DYNC2H1: variants seen among roughly 807,000 people sequenced by gnomAD.
DYNC2H1 encodes the protein dynein cytoplasmic 2 heavy chain 1.
A neutral mutation model predicts 570.0 loss-of-function variants in DYNC2H1; 410 were observed. The ratio of observed to expected loss-of-function variants is 0.72; its 90% CI spans 0.66 to 0.78. DYNC2H1 has a LOEUF of 0.78. DYNC2H1 is among the 30% of genes least tolerant of loss of function. DYNC2H1 has a pLI of 0.00. For missense variants in DYNC2H1, 4,865 were observed against 5,046.4 expected, an observed-to-expected ratio of 0.96 and a Z score of 1.09; for synonymous variants, 1,688 against 1,677.6, an observed-to-expected ratio of 1.01 and a Z score of -0.15.
At chr11:103,451,323 G>GTTTTTTTTTT (rs1237889193) in intron 85 of DYNC2H1, among the ~76,000 whole-genome samples, 2 of 111,626 alleles carry the variant, frequency 1.8e-5, no homozygotes, top group African/African-American at 3.9e-5. Context: ...GAGTAAAAGG[G>GTTTTTTTTTT]CTTTTTTTTT....
chr11:103,274,684 C>A (rs561773118), intron 70 of DYNC2H1, among the ~76,000 whole-genome samples: 1 of 152,092 alleles, frequency 6.6e-6, no homozygotes, highest in African/African-American at 2.4e-5. Context: ...TATTTTAATT[C>A]TCATGGTAGT....
chr11:103,255,724 T>A (rs909963788), intron 67 of DYNC2H1, among the ~76,000 whole-genome samples, 190 bp downstream of exon 67: 11 of 152,094 alleles, frequency 7.2e-5, no homozygotes, highest in African/African-American at 2.7e-4. Flanking sequence ...TAATGAGCAA[T>A]GTTTAAGACA....
intron 70 of DYNC2H1, among the ~76,000 whole-genome samples, chr11:103,266,640 C>T (rs1001799525): frequency 5.9e-5 from 9 of 152,246 alleles, no homozygotes; most frequent in East Asian, 1.9e-4. Flanking sequence ...ATACATGCAC[C>T]GCAAAGATGT....
At chr11:103,391,494 A>G (rs942780181) in intron 83 of DYNC2H1, among the ~76,000 whole-genome samples, 3 of 152,076 alleles carry the variant, frequency 2.0e-5, no homozygotes, top group South Asian at 2.1e-4. Context: ...ACTTCTCTCA[A>G]CTCGTCAAAG....
chr11:103,141,534 G>A (rs141887775), intron 17 of DYNC2H1, among the ~76,000 whole-genome samples: 9,749 of 152,250 alleles, frequency 0.064, 404 homozygotes, highest in Non-Finnish European at 0.098. Context: ...CGTGAACCAC[G>A]AATGCTGCTG....
intron 82 of DYNC2H1, among the ~76,000 whole-genome samples, chr11:103,356,253 AAC>A (rs1261262014): frequency 6.6e-6 from 1 of 152,216 alleles, no homozygotes; most frequent in African/African-American, 2.4e-5. Context: ...ATTTTATAAA[AAC>A]AGACAGTTCA....
intron 83 of DYNC2H1, among the ~76,000 whole-genome samples, chr11:103,376,305 C>A (rs1941390025): frequency 6.6e-6 from 1 of 152,166 alleles, no homozygotes; most frequent in Non-Finnish European, 1.5e-5. Flanking sequence ...AGAATTTAAC[C>A]CATTAATATT....
intron 83 of DYNC2H1, among the ~76,000 whole-genome samples, chr11:103,386,464 AC>A (rs1941877431): frequency 6.6e-6 from 1 of 152,024 alleles, no homozygotes; most frequent in Non-Finnish European, 1.5e-5. Flanking sequence ...ACACACACAC[AC>A]ACAAAAGTAT....
chr11:103,444,821 C>T (rs1042025279), intron 85 of DYNC2H1, among the ~76,000 whole-genome samples: 4 of 152,158 alleles, frequency 2.6e-5, no homozygotes, highest in African/African-American at 9.7e-5. Flanking sequence ...ATGTGCTTTG[C>T]TTGTTCAAGG....
In DYNC2H1 at chr11:103,113,620, T is replaced by C; in HGVS notation, c.279T>C (p.Asp93=). The part of the protein sequence containing the change: ...PEVITDENLH[D]NILVSSMLES... Reference sequence around the variant, plus strand: ...TAATTACTGATGAGAATCTACATGATAACATTCTTGTTTCATCTATGTTAG... The same window carrying C: ...TAATTACTGATGAGAATCTACATGACAACATTCTTGTTTCATCTATGTTAG... Residue 93 remains aspartate, a synonymous_variant, in exon 2 of 89, where the codon GAT becomes GAC. Coordinates refer to ENST00000375735, the MANE Select transcript of DYNC2H1 (RefSeq NM_001377.3). 6.3e-7 allele frequency: 1 copy of C among 1,575,776 alleles called. No homozygotes were observed. The highest frequency in any genetic ancestry group is 8.6e-7 in the Non-Finnish European group (1 of 1,166,418).
Position 103,280,261 on chromosome 11 carries a change from G to T in DYNC2H1, c.10696-87G>T, listed in dbSNP as rs1235550730. On this transcript the variant is annotated intron_variant, in intron 70 of 88. Coordinates refer to ENST00000375735, the MANE Select transcript of DYNC2H1 (RefSeq NM_001377.3). This position sits in a 1 kb window ranked among gnomAD's most constrained non-coding sequence, Gnocchi z 4.7. Reference sequence around the variant, plus strand: ...GTAGGTCATATGAAGACAGAATAGAGATTTTTGTGTGCCAAATTTTAACGA... The same window carrying T: ...GTAGGTCATATGAAGACAGAATAGATATTTTTGTGTGCCAAATTTTAACGA... 1 of 1,332,194 alleles carries T rather than the reference G, an allele frequency of 7.5e-7. No individual in the cohort carries two copies. Among genetic ancestry groups the T allele is most frequent in the Non-Finnish European group, 1.0e-6 (1 of 953,742 alleles). The allele number at this position is 1,332,194 out of a possible 1,614,324, so 82.5% of individuals were successfully genotyped here.
chr11:103,478,994 T>G, intron 88 of DYNC2H1, 101 bp from the exon 89 acceptor site: 1 of 1,301,556 alleles, frequency 7.7e-7, no homozygotes, highest in Non-Finnish European at 1.0e-6. Context: ...ATTTGAAACA[T>G]TTCATAATAT....
In DYNC2H1 at chr11:103,113,568, T is replaced by C; in HGVS notation, c.227T>C (p.Leu76Pro). ...IEFGDTKDKV[L>P]VFFKLRPEVI... ...TTTGGTGACACAAAAGATAAAGTGCTGGTGTTTTTCAAGCTGCGACCTGAA... is the reference window on the plus strand; with the variant it reads ...TTTGGTGACACAAAAGATAAAGTGCCGGTGTTTTTCAAGCTGCGACCTGAA... The change falls in exon 2 of 89, where the codon CTG becomes CCG. Residue 76 changes from leucine to proline, a missense_variant. Leu to Pro is a moderately conservative substitution (Grantham distance 98). Transcript: ENST00000375735. 1.3e-6 allele frequency: 2 copies of C among 1,577,968 alleles called. No homozygotes were observed. The highest frequency in any genetic ancestry group is 1.7e-6 in the Non-Finnish European group (2 of 1,167,176).
At position 103,343,823 on chromosome 11, in the gene DYNC2H1, A is replaced by G. The variant is rs181709164; in HGVS notation, c.12040-14420A>G. 1.5e-3 allele frequency among the ~76,000 whole-genome samples: 232 copies of G among 152,298 alleles called. 1 individual carries two copies. The highest frequency in any genetic ancestry group is 4.1e-3 in the Admixed American group (62 of 15,294). On this transcript the variant is annotated intron_variant, in intron 82 of 88. Coordinates refer to ENST00000375735, the MANE Select transcript of DYNC2H1 (RefSeq NM_001377.3). ...CCAGTTTTGTGCTTCCATTTAGACA[A>G]ACAAATCTCCCCAAAAAGTGCTTTT...
chr11:103,416,141 G>A (rs1364032923), intron 84 of DYNC2H1, among the ~76,000 whole-genome samples: 3 of 152,100 alleles, frequency 2.0e-5, no homozygotes, highest in Admixed American at 2.0e-4. Context: ...CACACACCAG[G>A]GCCTGTCCCA....
At position 103,120,516 on chromosome 11, in the gene DYNC2H1, T is replaced by C. The variant is rs1235977629; in HGVS notation, c.1069T>C (p.Cys357Arg). The C allele has an allele frequency of 6.8e-6, 11 of 1,613,224 alleles. No homozygotes were observed. The highest frequency in any genetic ancestry group is 1.7e-4 in the Middle Eastern group (1 of 6,058). ...FLPASEEKII[C>R]LTRVFEPFTG... ...ACCTGCCAGTGAAGAGAAAATCATA[T>C]GCCTCACTCGAGTATTTGAACCTTT... The change falls in exon 7 of 89, where the codon TGC becomes CGC. Residue 357 changes from cysteine (C) to arginine (R), a missense_variant. This residue lies in a region of DYNC2H1 where 1,936 missense variants were observed against 1,962.1 expected (regional missense o/e 0.99). Coordinates refer to ENST00000375735, the MANE Select transcript of DYNC2H1 (RefSeq NM_001377.3).
intron 70 of DYNC2H1, among the ~76,000 whole-genome samples, chr11:103,267,929 A>G (rs1207708239): frequency 6.6e-6 from 1 of 151,980 alleles, no homozygotes; most frequent in Non-Finnish European, 1.5e-5. Flanking sequence ...TAACTTCATT[A>G]TTTTTAGTGA....
At chr11:103,202,793 T>C (rs1450261338) in intron 50 of DYNC2H1, among the ~76,000 whole-genome samples, 1 of 152,214 alleles carries the variant, frequency 6.6e-6, no homozygotes, top group Admixed American at 6.5e-5. Flanking sequence ...ATTTATTAAA[T>C]GCCTCTTATA....
intron 21 of DYNC2H1, 125 bp downstream of exon 21, chr11:103,152,410 C>CCTGA (rs1001491098): frequency 4.8e-6 from 4 of 832,342 alleles, no homozygotes; most frequent in Non-Finnish European, 7.1e-6. Context: ...AATTGACCTC[C>CCTGA]CTGACTACTT....
Sources: allele counts gnomAD v4.1 joint callset (sites outside exome capture counted in the v4.1 genomes callset), GRCh38; gene constraint gnomAD v4.1.1; regional missense constraint gnomAD v4.1.1; non-coding constraint Gnocchi (gnomAD v3.1); transcripts MANE v1.5; gene names NCBI Gene and HGNC (gene_info 2026-07-23, HGNC 2026-07-21).